The following ABCB10 variants were observed in gnomAD, a reference collection of about 807,000 sequenced individuals.
The protein encoded by ABCB10 is ATP-binding cassette sub-family B member 10, mitochondrial.
Under a neutral mutation model 65.4 loss-of-function variants are expected in ABCB10, and 54 were observed. The observed-to-expected ratio is 0.83, with a 90% CI of 0.66 to 1.04. The LOEUF (loss-of-function observed/expected upper bound fraction) is 1.04. Ranked by LOEUF, ABCB10 falls within the 50% of genes least tolerant of loss-of-function variation. The pLI, the probability that ABCB10 is intolerant of heterozygous loss-of-function variation, is 0.00. For synonymous variants in ABCB10, 418 were observed against 406.5 expected (o/e 1.03, Z -0.34); for missense variants, 846 against 976.6 (o/e 0.87, Z 1.78).
chr1:229,558,204 GCGGGGCGCAGC>G lies in ABCB10; in HGVS notation c.438_448del (p.Leu147SerfsTer17), dbSNP rs2102715894. The G allele has an allele frequency of 4.9e-6, 7 of 1,419,226 alleles. No individual in the cohort carries two copies. Among genetic ancestry groups the G allele is most frequent in the Non-Finnish European group, 1.8e-6 (2 of 1,088,644 alleles). 87.9% of individuals were successfully genotyped at this position (1,419,226 alleles called of 1,614,324 possible). A position where few individuals can be genotyped will look rare whatever the true frequency, so the allele number is the denominator to read the frequency against. ...CCGGGCCTCCGGGAGTCCGGCCGCTGCGGGGCGCAGCCGCCCCTTGTCCCCGGGAGGCGCCG... is the reference window on the plus strand; with the variant it reads ...CCGGGCCTCCGGGAGTCCGGCCGCTGCGCCCCTTGTCCCCGGGAGGCGCCG... On this transcript the variant is annotated frameshift_variant, in exon 1 of 13. Transcript: ENST00000344517. LOFTEE classifies it high-confidence loss of function.
At chr1:229,534,267 G>A (rs539678439) in intron 6 of ABCB10, among the ~76,000 whole-genome samples, 9 of 152,276 alleles carry the variant, frequency 5.9e-5, no homozygotes, top group Admixed American at 1.3e-4. Context: ...GAACACTGAC[G>A]CCACTAAATG....
chr1:229,527,575 G>A (rs774072338), intron 8 of ABCB10, among the ~76,000 whole-genome samples: 3 of 152,166 alleles, frequency 2.0e-5, no homozygotes, highest in East Asian at 1.9e-4. Flanking sequence ...CCTGTACTCC[G>A]GAGGTTGTAG....
chr1:229,524,834 C>T (rs1482795899), intron 10 of ABCB10, among the ~76,000 whole-genome samples: 1 of 152,058 alleles, frequency 6.6e-6, no homozygotes, highest in Non-Finnish European at 1.5e-5. Flanking sequence ...TGACAGCCAT[C>T]ATATGTGACC....
chr1:229,548,900 A>T (rs1182295755), intron 2 of ABCB10, among the ~76,000 whole-genome samples: 1 of 152,032 alleles, frequency 6.6e-6, no homozygotes, highest in Non-Finnish European at 1.5e-5. Context: ...TGACCTCATG[A>T]TCCACCTGCC....
At position 229,520,513 on chromosome 1, in the gene ABCB10, CAAA is replaced by C. The variant is rs35593030; in HGVS notation, c.1950+1076_1950+1078del. Among the ~76,000 whole-genome samples, 1,162 of 126,688 alleles carry C rather than the reference CAAA, an allele frequency of 9.2e-3. 8 individuals are homozygous for C. Among genetic ancestry groups the C allele is most frequent in the Middle Eastern group, 0.028 (7 of 252 alleles). The allele number at this position is 126,688 out of a possible 152,430, so 83.1% of individuals were successfully genotyped here. On this transcript the variant is annotated intron_variant, in intron 11 of 12. Coordinates refer to ENST00000344517, the MANE Select transcript of ABCB10 (RefSeq NM_012089.3). Reference sequence around the variant, plus strand: ...AAAAAGAAAAGCTAACACATGAGACCAAAAAAAAAAAAAAGAGACTAATCTGAT... The same window carrying C: ...AAAAAGAAAAGCTAACACATGAGACCAAAAAAAAAAAGAGACTAATCTGAT...
At chr1:229,553,242 CTGGGATTACAGGCA>C (rs1317857891) in intron 1 of ABCB10, among the ~76,000 whole-genome samples, 25 of 152,126 alleles carry the variant, frequency 1.6e-4, no homozygotes, top group Admixed American at 1.6e-3. Context: ...TCCCGAGTGG[CTGGGATTACAGGCA>C]TGCGCCACTA....
chr1:229,531,947 GTTTTTT>G (rs34289048), intron 6 of ABCB10: 9 of 132,246 alleles, frequency 6.8e-5, no homozygotes, highest in East Asian at 3.9e-4. Flanking sequence ...CAGTTTCATA[GTTTTTT>G]TTTTTTTTTT....
intron 1 of ABCB10, 142 bp downstream of exon 1, chr1:229,557,994 C>T (rs1395872627): frequency 1.1e-6 from 1 of 930,280 alleles, no homozygotes; most frequent in Non-Finnish European, 1.4e-6. Flanking sequence ...GATCCCCTCC[C>T]TCCTCCGGGG....
intron 1 of ABCB10, among the ~76,000 whole-genome samples, chr1:229,557,398 C>T (rs1263670726): frequency 2.0e-5 from 3 of 152,132 alleles, no homozygotes; most frequent in South Asian, 2.1e-4. Context: ...AGAATGAGGG[C>T]TCAACAGATG....
At chr1:229,523,839 G>C (rs1474696076) in intron 10 of ABCB10, among the ~76,000 whole-genome samples, 1 of 152,062 alleles carries the variant, frequency 6.6e-6, no homozygotes, top group African/African-American at 2.4e-5. Flanking sequence ...ATTTCACCAC[G>C]AGCAGTTTAC....
intron 7 of ABCB10, among the ~76,000 whole-genome samples, chr1:229,531,403 T>C (rs1662580270): frequency 6.6e-6 from 1 of 152,002 alleles, no homozygotes; most frequent in South Asian, 2.1e-4. Flanking sequence ...GGCAGCACAC[T>C]ATGTGGCCAG....
At position 229,558,639 on chromosome 1, in the gene ABCB10, G is replaced by A. The variant is rs1222901631; in HGVS notation, c.14C>T (p.Pro5Leu). The A allele has an allele frequency of 1.7e-5, 24 of 1,371,554 alleles. No homozygotes were observed. The highest frequency in any genetic ancestry group is 2.1e-5 in the Non-Finnish European group (22 of 1,063,650). 85.0% of individuals were successfully genotyped at this position (1,371,554 alleles called of 1,614,324 possible). Residue 5 changes from proline to leucine, a missense_variant, in exon 1 of 13, where the codon CCT becomes CTT. Around this residue, in one of 2 missense-constraint regions of ABCB10, gnomAD observed 214 missense variants for 173.5 expected, o/e 1.23. Transcript: ENST00000344517. ...CTCGAGCAGCCGCAGCGGCCAGGCAGGGGGGCCTCGCATGGCGCTGCGTGC... is the reference window on the plus strand; with the variant it reads ...CTCGAGCAGCCGCAGCGGCCAGGCAAGGGGGCCTCGCATGGCGCTGCGTGC... MRGP[P>L]AWPLRLLEPP...
chr1:229,519,525 C>T (rs145935659), intron 11 of ABCB10, among the ~76,000 whole-genome samples: 22 of 152,288 alleles, frequency 1.4e-4, no homozygotes, highest in African/African-American at 4.6e-4. Context: ...TGGTGGCTCA[C>T]GACTGTAATC....
rs924635032 is a variant in ABCB10 at position 229,558,687 on chromosome 1, G to A, written c.-35C>T. 3.2e-6 allele frequency: 4 copies of A among 1,259,796 alleles called. No individual in the cohort carries two copies. In the African/African-American group the frequency reaches 4.7e-5, roughly 15 times the overall value. The allele number at this position is 1,259,796 out of a possible 1,614,324, so 78.0% of individuals were successfully genotyped here. A position where few individuals can be genotyped will look rare whatever the true frequency, so the allele number is the denominator to read the frequency against. On this transcript the variant is annotated 5_prime_UTR_variant, in exon 1 of 13. Coordinates refer to ENST00000344517, the MANE Select transcript of ABCB10 (RefSeq NM_012089.3). Reference sequence around the variant, plus strand: ...TGCGACCCGTACGCCTCAGCCCGCCGGCCAGGCGCGCGCAAAGCCCGAGGA... The same window carrying A: ...TGCGACCCGTACGCCTCAGCCCGCCAGCCAGGCGCGCGCAAAGCCCGAGGA...
At chr1:229,545,918 T>C (rs1296389566) in intron 3 of ABCB10, among the ~76,000 whole-genome samples, 1 of 152,174 alleles carries the variant, frequency 6.6e-6, no homozygotes, top group Admixed American at 6.6e-5. Context: ...ACGCCAGCAA[T>C]CCCAACACTT....
At chr1:229,530,113 G>A (rs1182329008) in intron 8 of ABCB10, 86 bp downstream of exon 8, 1 of 1,297,094 alleles carries the variant, frequency 7.7e-7, no homozygotes, top group Non-Finnish European at 1.1e-6. Context: ...TAAGGTATTT[G>A]CATGGTTTGA....
chr1:229,543,236 T>C (rs1662894133), intron 3 of ABCB10, among the ~76,000 whole-genome samples: 1 of 151,998 alleles, frequency 6.6e-6, no homozygotes, highest in African/African-American at 2.4e-5. Flanking sequence ...TATGGCTCAG[T>C]GGACTGAAGT....
intron 8 of ABCB10, 49 bp from the exon 9 acceptor site, chr1:229,527,357 G>T: frequency 6.6e-7 from 1 of 1,510,446 alleles, no homozygotes; most frequent in South Asian, 1.1e-5. Flanking sequence ...TGATGAGGCT[G>T]ATGACCAACA....
chr1:229,544,596 C>G (rs1005703563), intron 3 of ABCB10, among the ~76,000 whole-genome samples: 1 of 152,180 alleles, frequency 6.6e-6, no homozygotes, highest in Non-Finnish European at 1.5e-5. Context: ...CATTTCTGAT[C>G]CCCTAGAGCC....
Sources: gnomAD v4.1 joint callset for allele counts (sites outside exome capture counted in the v4.1 genomes callset) on GRCh38, gnomAD v4.1.1 for gene constraint, gnomAD v4.1.1 regional missense constraint, MANE v1.5 for transcripts, NCBI Gene and HGNC (gene_info 2026-07-23, HGNC 2026-07-21) for gene names.